The following DIAPH3 variants were observed in gnomAD, a reference collection of about 807,000 sequenced individuals.
DIAPH3 encodes the protein protein diaphanous homolog 3.
A neutral mutation model predicts 144.3 loss-of-function variants in DIAPH3; 117 were observed. The ratio of observed to expected loss-of-function variants is 0.81; its 90% CI spans 0.70 to 0.95. DIAPH3 has a LOEUF of 0.95. DIAPH3 is among the 40% of genes least tolerant of loss of function. The pLI, the probability that DIAPH3 is intolerant of heterozygous loss-of-function variation, is 0.00. For missense variants in DIAPH3, 1,421 were observed against 1,412.7 expected (o/e 1.01, Z -0.09); for synonymous variants, 519 against 488.9 (o/e 1.06, Z -0.81).
chr13:59,765,434 A>G (rs2037821371), intron 27 of DIAPH3, among the ~76,000 whole-genome samples: 1 of 152,210 alleles, frequency 6.6e-6, no homozygotes, highest in African/African-American at 2.4e-5. Flanking sequence ...ATACACTTTC[A>G]TTTAGTCTTC....
intron 19 of DIAPH3, among the ~76,000 whole-genome samples, chr13:59,913,469 T>C (rs2047088043): frequency 1.3e-5 from 2 of 152,146 alleles, no homozygotes; most frequent in Admixed American, 1.3e-4. Flanking sequence ...CTCTGCTCTA[T>C]TCTACATCTA....
intron 4 of DIAPH3, among the ~76,000 whole-genome samples, chr13:60,054,456 G>A (rs1314585703): frequency 2.0e-5 from 3 of 151,964 alleles, no homozygotes; most frequent in Non-Finnish European, 4.4e-5. Flanking sequence ...ACTCTTGCCT[G>A]GGTATATGTA....
chr13:60,102,335 A>G (rs935691656), intron 3 of DIAPH3, among the ~76,000 whole-genome samples: 1 of 152,206 alleles, frequency 6.6e-6, no homozygotes, highest in Non-Finnish European at 1.5e-5. Flanking sequence ...GGCTCTTTAT[A>G]TGTAACTCTT....
intron 3 of DIAPH3, among the ~76,000 whole-genome samples, chr13:60,104,171 ATAAATACATTGAAGCTATAAAATAGCT>A (rs2058347849): frequency 6.6e-6 from 1 of 152,252 alleles, no homozygotes; most frequent in Non-Finnish European, 1.5e-5. Context: ...CAAGATGTCT[ATAAATACATTGAAGCTATAAAATAGCT>A]TAAAACAGCT....
At chr13:60,073,596 A>T (rs1354897039) in intron 4 of DIAPH3, among the ~76,000 whole-genome samples, 1 of 152,198 alleles carries the variant, frequency 6.6e-6, no homozygotes, top group African/African-American at 2.4e-5. Flanking sequence ...TGAGGTAAAT[A>T]TCCCAGCTGC....
chr13:59,974,557 A>T (rs1030669361), intron 14 of DIAPH3, 101 bp from the exon 15 acceptor site: 3 of 1,008,388 alleles, frequency 3.0e-6, no homozygotes, highest in Non-Finnish European at 4.5e-6. Context: ...GGTAGAACAC[A>T]AATTCCTGAA....
At chr13:60,013,951 A>C (rs2053453325) in intron 7 of DIAPH3, among the ~76,000 whole-genome samples, 2 of 152,164 alleles carry the variant, frequency 1.3e-5, no homozygotes, top group African/African-American at 4.8e-5. Context: ...AAAAGCACCA[A>C]ATAAAATGGC....
intron 17 of DIAPH3, among the ~76,000 whole-genome samples, chr13:59,969,393 T>A (rs988389889): frequency 1.3e-5 from 2 of 152,210 alleles, no homozygotes; most frequent in African/African-American, 4.8e-5. Flanking sequence ...TGTAATTTTT[T>A]TTGGATTATA....
intron 3 of DIAPH3, among the ~76,000 whole-genome samples, chr13:60,107,235 T>C (rs1486840690): frequency 6.6e-6 from 1 of 152,036 alleles, no homozygotes; most frequent in Non-Finnish European, 1.5e-5. Context: ...AAAGGTTTTG[T>C]TCCGTATAAC....
At chr13:59,796,386 TA>T (rs2039605487) in intron 25 of DIAPH3, among the ~76,000 whole-genome samples, 1 of 152,248 alleles carries the variant, frequency 6.6e-6, no homozygotes, top group Non-Finnish European at 1.5e-5. Context: ...TTATGCATGT[TA>T]ATGAGCTCTG....
At chr13:59,983,368 C>T (rs1206030166) in intron 13 of DIAPH3, among the ~76,000 whole-genome samples, 1 of 151,266 alleles carries the variant, frequency 6.6e-6, no homozygotes, top group Non-Finnish European at 1.5e-5. Context: ...TGTATAAATC[C>T]CATTTGTTAA....
intron 27 of DIAPH3, among the ~76,000 whole-genome samples, chr13:59,677,706 T>A (rs1339485185): frequency 6.6e-6 from 1 of 152,152 alleles, no homozygotes; most frequent in Non-Finnish European, 1.5e-5. Flanking sequence ...ACATTATGTA[T>A]TTAGAGTTGA....
At chr13:60,071,470 T>C (rs1280808867) in intron 4 of DIAPH3, among the ~76,000 whole-genome samples, 1 of 152,182 alleles carries the variant, frequency 6.6e-6, no homozygotes, top group African/African-American at 2.4e-5. Context: ...TACAGAAAGG[T>C]TTCCTGCACT....
chr13:60,082,558 A>T (rs1396906540), intron 4 of DIAPH3, among the ~76,000 whole-genome samples: 2 of 150,974 alleles, frequency 1.3e-5, no homozygotes, highest in African/African-American at 4.9e-5. Flanking sequence ...AAAAAAAAAT[A>T]GTATTATTCA....
chr13:59,774,887 A>G (rs760866906), intron 25 of DIAPH3, 64 bp from the exon 26 acceptor site: 131 of 1,359,972 alleles, frequency 9.6e-5, no homozygotes, highest in Admixed American at 1.5e-4. Flanking sequence ...GTCAAAGCAT[A>G]TACAAAAACT....
chr13:60,012,976 C>T, intron 7 of DIAPH3: 7 of 981,366 alleles, frequency 7.1e-6, no homozygotes, highest in Non-Finnish European at 8.5e-6. Context: ...GTATAAATTA[C>T]TCTCAATTAT....
chr13:59,709,037 T>C (rs1408637550), intron 27 of DIAPH3, among the ~76,000 whole-genome samples: 4 of 151,678 alleles, frequency 2.6e-5, no homozygotes, highest in Admixed American at 1.3e-4. Context: ...CAGACACATA[T>C]AAACTCTTTA....
chr13:60,097,490 C>T (rs1301214096), intron 3 of DIAPH3, among the ~76,000 whole-genome samples: 1 of 152,148 alleles, frequency 6.6e-6, no homozygotes. Context: ...GTGGAAGCTC[C>T]CTGAGGCCCT....
Position 59,686,346 on chromosome 13 carries a change from C to T in DIAPH3, c.3320-19500G>A, listed in dbSNP as rs563671456. Among the ~76,000 whole-genome samples, 15 of 152,006 alleles carry T rather than the reference C, an allele frequency of 9.9e-5. No individual in the cohort carries two copies. In the South Asian group the frequency reaches 1.9e-3, roughly 19 times the overall value. On this transcript the variant is annotated intron_variant, in intron 27 of 27. Coordinates refer to ENST00000400324, the MANE Select transcript of DIAPH3 (RefSeq NM_001042517.2). The stretch of plus-strand genomic sequence containing the variant: ...CTTATTTAGTACCTTAGAGATGTCA[C>T]TTACACCTTTTATCTTACACTGTAA...
Sources: gnomAD v4.1 joint callset for allele counts (sites outside exome capture counted in the v4.1 genomes callset) on GRCh38, gnomAD v4.1.1 for gene constraint, MANE v1.5 for transcripts, NCBI Gene and HGNC (gene_info 2026-07-23, HGNC 2026-07-21) for gene names.